The following FNDC3B variants were observed in gnomAD, a reference collection of about 807,000 sequenced individuals.
FNDC3B encodes the protein fibronectin type III domain containing 3B.
FNDC3B carries 12 observed loss-of-function variants against 151.5 expected under a neutral mutation model. The ratio of observed to expected loss-of-function variants is 0.08; its 90% CI spans 0.05 to 0.13. The LOEUF (loss-of-function observed/expected upper bound fraction) is 0.13. Ranked by LOEUF, FNDC3B falls within the 10% of genes least tolerant of loss-of-function variation. The pLI is 1.00. For missense variants in FNDC3B, 1,214 were observed against 1,505.3 expected, an observed-to-expected ratio of 0.81 and a Z score of 3.20; for synonymous variants, 528 against 549.0, an observed-to-expected ratio of 0.96 and a Z score of 0.54.
chr3:172,374,254 G>A (rs942974828), intron 23 of FNDC3B, among the ~76,000 whole-genome samples: 4 of 152,170 alleles, frequency 2.6e-5, no homozygotes, highest in Non-Finnish European at 5.9e-5. Flanking sequence ...ATCTGTGTTA[G>A]CAGTGATGTC....
chr3:172,299,625 T>TTTTTTC (rs1170512302), intron 9 of FNDC3B, among the ~76,000 whole-genome samples: 14 of 152,252 alleles, frequency 9.2e-5, no homozygotes, highest in Admixed American at 3.9e-4. Flanking sequence ...GTTTCCCTTT[T>TTTTTTC]TTTTTTCAAT....
In FNDC3B at chr3:172,079,171, A is replaced by T. The variant is rs187753833; in HGVS notation, c.-28-33281A>T. 1.1e-3 allele frequency among the ~76,000 whole-genome samples: 163 copies of T among 152,310 alleles called. 1 individual carries two copies. Among genetic ancestry groups the T allele is most frequent in the African/African-American group, 3.7e-3 (153 of 41,566 alleles). On this transcript the variant is annotated intron_variant, in intron 1 of 25. Coordinates refer to ENST00000415807, the MANE Select transcript of FNDC3B (RefSeq NM_022763.4). ...CCAGAATTAGGAAGACATGACATCA[A>T]AAATATGAATTCATCATTACTGTAA...
intron 11 of FNDC3B, among the ~76,000 whole-genome samples, chr3:172,312,864 C>T (rs146849312): frequency 1.8e-4 from 28 of 152,200 alleles, no homozygotes; most frequent in African/African-American, 6.7e-4. Flanking sequence ...GTGAGAGTGT[C>T]GTAGCTGATG....
intron 2 of FNDC3B, among the ~76,000 whole-genome samples, chr3:172,116,384 TC>T (rs2108546453): frequency 6.6e-6 from 1 of 152,282 alleles, no homozygotes; most frequent in African/African-American, 2.4e-5. Context: ...TTTTTATCAC[TC>T]TAAAAAGAAC....
chr3:172,045,671 GAC>G (rs1334705935), intron 1 of FNDC3B, among the ~76,000 whole-genome samples: 15 of 152,004 alleles, frequency 9.9e-5, no homozygotes, highest in Non-Finnish European at 2.2e-4. Flanking sequence ...TATATGGTAA[GAC>G]ATTATTTTCA....
At chr3:172,262,694 G>T (rs1329100180) in intron 6 of FNDC3B, among the ~76,000 whole-genome samples, 1 of 151,574 alleles carries the variant, frequency 6.6e-6, no homozygotes, top group East Asian at 1.9e-4. Flanking sequence ...CTTGAGCCCA[G>T]GAGTTCAAGA....
rs562404650 is a variant in FNDC3B, at chr3:172,337,535, A to T, written c.1852+134A>T. 2.2e-5 allele frequency: 14 copies of T among 637,856 alleles called. No individual in the cohort carries two copies. The South Asian group carries it at 2.5e-4, about 11-fold the overall frequency. The allele number at this position is 637,856 out of a possible 1,614,324, so 39.5% of individuals were successfully genotyped here. A position where few individuals can be genotyped will look rare whatever the true frequency, so the allele number is the denominator to read the frequency against. On this transcript the variant is annotated intron_variant, in intron 16 of 25. Transcript: ENST00000415807. ...ATTATTATTACAATAAACAAACTTT[A>T]GTCACATATTGGCAGTTTTTCTATT... is the stretch of plus-strand genomic sequence containing the variant.
chr3:172,082,551 C>T (rs926012308), intron 1 of FNDC3B, among the ~76,000 whole-genome samples: 6 of 152,284 alleles, frequency 3.9e-5, no homozygotes, highest in Non-Finnish European at 8.8e-5. Flanking sequence ...ATTCTCCAGC[C>T]GTTCAGCAGG....
At chr3:172,144,346 G>A (rs1576905226) in intron 3 of FNDC3B, among the ~76,000 whole-genome samples, 1 of 152,200 alleles carries the variant, frequency 6.6e-6, no homozygotes, top group African/African-American at 2.4e-5. Context: ...TCACATCTCA[G>A]TGTGAGATTT....
intron 6 of FNDC3B, among the ~76,000 whole-genome samples, chr3:172,283,268 C>G (rs2108821113): frequency 6.6e-6 from 1 of 152,126 alleles, no homozygotes; most frequent in East Asian, 1.9e-4. Context: ...AATCTAGCCT[C>G]TTTCTCTATT....
chr3:172,167,759 C>T (rs1420990473), intron 3 of FNDC3B, among the ~76,000 whole-genome samples: 2 of 152,186 alleles, frequency 1.3e-5, no homozygotes, highest in Non-Finnish European at 2.9e-5. Flanking sequence ...TCAGCAGTGG[C>T]ATTAGACTCT....
intron 6 of FNDC3B, among the ~76,000 whole-genome samples, chr3:172,256,200 C>G (rs1728338963): frequency 6.6e-6 from 1 of 152,200 alleles, no homozygotes; most frequent in African/African-American, 2.4e-5. Flanking sequence ...TGCCTCATTC[C>G]CCTTTTTTGG....
In FNDC3B at chr3:172,401,369, T is replaced by G. The variant is rs1424794125; in HGVS notation, c.*3894T>G. The G allele has an allele frequency of 1.3e-5, 2 of 152,344 alleles. No individual in the cohort carries two copies. Among genetic ancestry groups the G allele is most frequent in the Admixed American group, 1.3e-4 (2 of 15,296 alleles). 9.4% of individuals were successfully genotyped at this position (152,344 alleles called of 1,614,324 possible). ...GAGGACTGTGAGCCACAATCACATATGTCCATGTTTCAAAAGAAGCTAAAT... is the reference window on the plus strand; with the variant it reads ...GAGGACTGTGAGCCACAATCACATAGGTCCATGTTTCAAAAGAAGCTAAAT... On this transcript the variant is annotated 3_prime_UTR_variant, in exon 26 of 26. Transcript: ENST00000415807.
In FNDC3B at chr3:172,341,145, G is replaced by T. The variant is rs771120067; in HGVS notation, c.1885G>T (p.Ala629Ser). 7 of 1,614,112 alleles carry T rather than the reference G, an allele frequency of 4.3e-6. No homozygotes were observed. The highest frequency in any genetic ancestry group is 3.4e-6 in the Non-Finnish European group (4 of 1,179,968). ...GTGGGAAGTGGCCTACAGTGGGTCG[G>T]CTACCGAATACACCTTCACCCACTT... ...NQWEVAYSGS[A>S]TEYTFTHLKP... Residue 629 changes from alanine to serine, a missense_variant, in exon 17 of 26, where the codon GCT (alanine) becomes TCT (serine). This residue lies in a region of FNDC3B where 380 missense variants were observed against 420.9 expected (regional missense o/e 0.90). Coordinates refer to ENST00000415807, the MANE Select transcript of FNDC3B (RefSeq NM_022763.4).
intron 1 of FNDC3B, among the ~76,000 whole-genome samples, chr3:172,061,604 T>C (rs1717203783): frequency 6.6e-6 from 1 of 152,196 alleles, no homozygotes; most frequent in Non-Finnish European, 1.5e-5. Flanking sequence ...GCAGATTCTT[T>C]TCCTAATGTG....
intron 8 of FNDC3B, among the ~76,000 whole-genome samples, chr3:172,297,608 A>G (rs1397281430): frequency 1.8e-4 from 27 of 151,974 alleles, no homozygotes; most frequent in South Asian, 1.7e-3. Context: ...CTGAGTAGGT[A>G]GGATTACAGG....
At chr3:172,188,131 G>T (rs1333033782) in intron 3 of FNDC3B, among the ~76,000 whole-genome samples, 1 of 151,678 alleles carries the variant, frequency 6.6e-6, no homozygotes, top group Non-Finnish European at 1.5e-5. Flanking sequence ...TAGTAGCTGG[G>T]ATTACAGGCA....
At chr3:172,095,938 T>C (rs1041023743) in intron 1 of FNDC3B, among the ~76,000 whole-genome samples, 1 of 152,246 alleles carries the variant, frequency 6.6e-6, no homozygotes, top group Non-Finnish European at 1.5e-5. Context: ...CTACAGCATT[T>C]AAAATTGGCT....
intron 2 of FNDC3B, chr3:172,127,111 G>A (rs1313172066): frequency 4.4e-6 from 2 of 453,938 alleles, no homozygotes. Context: ...TGGCAGATTT[G>A]GTAAAAAATT....
Sources: allele counts gnomAD v4.1 joint callset (sites outside exome capture counted in the v4.1 genomes callset), GRCh38; gene constraint gnomAD v4.1.1; regional missense constraint gnomAD v4.1.1; transcripts MANE v1.5; gene names NCBI Gene and HGNC (gene_info 2026-07-23, HGNC 2026-07-21).